The following NBPF9 variants were observed in gnomAD, a reference collection of about 807,000 sequenced individuals.
The protein encoded by NBPF9 is NBPF family member NBPF9.
A neutral mutation model predicts 97.8 loss-of-function variants in NBPF9; 91 were observed. That is an observed-to-expected ratio of 0.93 (90% confidence interval 0.79 to 1.11). The LOEUF is 1.11. NBPF9 is among the 50% of genes least tolerant of loss of function. The pLI is 0.00. For missense variants in NBPF9, 992 were observed against 939.5 expected, an observed-to-expected ratio of 1.06 and a Z score of -0.73; for synonymous variants, 334 against 359.5, an observed-to-expected ratio of 0.93 and a Z score of 0.80.
chr1:149,063,512 C>T lies in NBPF9; in HGVS notation c.2026+121G>A, dbSNP rs1406315244. On this transcript the variant is annotated intron_variant, in intron 20 of 29. Coordinates refer to ENST00000584027, the Ensembl canonical transcript of NBPF9. ...TAGAGTTTCATTCAACGTACATGTG[C>T]CTATAGGTCCTCCCTGTGGCAATGA... is the stretch of plus-strand genomic sequence containing the variant. 6 of 700,886 alleles carry T rather than the reference C, an allele frequency of 8.6e-6. 1 individual carries two copies. The highest frequency in any genetic ancestry group is 8.2e-5 in the Admixed American group (4 of 48,778). The allele number at this position is 700,886 out of a possible 1,614,324, so 43.4% of individuals were successfully genotyped here. A position where few individuals can be genotyped will look rare whatever the true frequency, so the allele number is the denominator to read the frequency against.
intron 17 of NBPF9, among the ~76,000 whole-genome samples, chr1:149,068,488 T>A (rs1220215572): frequency 6.7e-6 from 1 of 149,174 alleles, no homozygotes; most frequent in Non-Finnish European, 1.5e-5. Context: ...TAGTCTCTGA[T>A]AAAACAGACT....
At chr1:149,099,399 T>C (rs1429583089) in intron 3 of NBPF9, among the ~76,000 whole-genome samples, 8 of 151,912 alleles carry the variant, frequency 5.3e-5, no homozygotes, top group African/African-American at 1.7e-4. Flanking sequence ...ATTTGTTAGA[T>C]GGTGAAAACT....
chr1:149,065,241 A>T (rs1553651382), intron 18 of NBPF9: 1 of 702,726 alleles, frequency 1.4e-6, no homozygotes, highest in African/African-American at 1.7e-5. Context: ...TGTGCTACAT[A>T]GTTTGGTGTG....
intron 26 of NBPF9, among the ~76,000 whole-genome samples, 174 bp from the exon 27 acceptor site, chr1:149,058,389 T>C (rs1240677932): frequency 1.3e-5 from 1 of 78,096 alleles, no homozygotes; most frequent in Admixed American, 1.3e-4. Flanking sequence ...TTGGTTTGCA[T>C]CTCAGAACCA....
chr1:149,072,727 GC>G lies in NBPF9; in HGVS notation c.1296del (p.Lys432AsnfsTer157), dbSNP rs782026250. 6 of 1,611,582 alleles carry G rather than the reference GC, an allele frequency of 3.7e-6. No individual in the cohort carries two copies. The highest frequency in any genetic ancestry group is 5.1e-6 in the Non-Finnish European group (6 of 1,179,702). On this transcript the variant is annotated frameshift_variant, in exon 14 of 30. Transcript: ENST00000584027. LOFTEE classifies it high-confidence loss of function. ...CCTATGGCCACCTTACCTGGGCTGA[GC>G]TTTTGGACAAGGTGCTGTGCCAGTC...
In NBPF9 at chr1:149,063,496, A is replaced by C; in HGVS notation, c.2026+137T>G. On this transcript the variant is annotated intron_variant, in intron 20 of 29. Coordinates refer to ENST00000584027, the Ensembl canonical transcript of NBPF9. ...GGCTTCCAAGTGGAACTAGAGTTTC[A>C]TTCAACGTACATGTGCCTATAGGTC... 6.0e-6 allele frequency: 4 copies of C among 664,392 alleles called. No individual in the cohort carries two copies. In the South Asian group the frequency reaches 7.0e-5, roughly 12 times the overall value. 41.2% of individuals were successfully genotyped at this position (664,392 alleles called of 1,614,324 possible).
At chr1:149,082,933 C>T (rs1553657332) in intron 5 of NBPF9, among the ~76,000 whole-genome samples, 1 of 146,430 alleles carries the variant, frequency 6.8e-6, no homozygotes, top group African/African-American at 2.5e-5. Context: ...GCGCCCGCCA[C>T]CACGCCTGGC....
Position 149,079,220 on chromosome 1 carries a change from G to T in NBPF9, c.280C>A (p.Gln94Lys), listed in dbSNP as rs782760709. 6.1e-6 allele frequency: 5 copies of T among 815,638 alleles called. No individual in the cohort carries two copies. The African/African-American group carries it at 8.5e-5, about 14-fold the overall frequency. The allele number at this position is 815,638 out of a possible 1,614,324, so 50.5% of individuals were successfully genotyped here. Residue 94 changes from glutamine to lysine, a missense_variant and splice_region_variant, in exon 9 of 30, where the codon CAA becomes AAA. This residue lies in a region of NBPF9 where 109 missense variants were observed against 133.1 expected (regional missense o/e 0.82). Coordinates refer to ENST00000584027, the Ensembl canonical transcript of NBPF9. ...TGAGAGTGAACCAGGACTTTATATT[G>T]CCTAAGGTGAGACGGTAGAGAAAAT...
At chr1:149,076,662 C>T (rs1371355017) in intron 11 of NBPF9, among the ~76,000 whole-genome samples, 1 of 146,324 alleles carries the variant, frequency 6.8e-6, no homozygotes, top group Non-Finnish European at 1.5e-5. Flanking sequence ...ACCACCACGC[C>T]CAGCTATTTT....
intron 10 of NBPF9, 126 bp from the exon 11 acceptor site, chr1:149,077,545 C>T: frequency 4.8e-6 from 5 of 1,041,242 alleles, no homozygotes; most frequent in African/African-American, 1.5e-5. Context: ...ACGGAGGTTC[C>T]CTTAAAGAGG....
Position 149,075,808 on chromosome 1 carries a change from A to G in NBPF9, c.835T>C (p.Leu279=), listed in dbSNP as rs1553654173. 1.9e-6 allele frequency: 3 copies of G among 1,567,968 alleles called. No homozygotes were observed. The Admixed American group carries it at 5.0e-5, about 26-fold the overall frequency. The stretch of plus-strand genomic sequence containing the variant: ...TTCATCTCTGCCTTCTCGCTGGACA[A>G]AGGGCCGGCTGATACCACCATGCTG... The change falls in exon 12 of 30, where the codon TTG becomes CTG. Residue 279 remains leucine, a synonymous_variant. Coordinates refer to ENST00000584027, the Ensembl canonical transcript of NBPF9.
At chr1:149,101,060 G>A (rs2082114071) in intron 3 of NBPF9, among the ~76,000 whole-genome samples, 1 of 151,466 alleles carries the variant, frequency 6.6e-6, no homozygotes, top group South Asian at 2.1e-4. Flanking sequence ...TAACCATAAA[G>A]GAAAAGATTG....
At chr1:149,080,102 A>G (rs1318140413) in exon 8 of NBPF9, 77,347 of 1,406,356 alleles carry the variant, frequency 0.055, 751 homozygotes, top group Non-Finnish European at 0.065. Flanking sequence ...TCCTCCTTGA[A>G]CTGTCGCTCA....
At chr1:149,093,993 G>A (rs2081581978) in intron 4 of NBPF9, among the ~76,000 whole-genome samples, 1 of 145,514 alleles carries the variant, frequency 6.9e-6, no homozygotes, top group African/African-American at 2.5e-5. Flanking sequence ...ACATTAGCCA[G>A]GTGCGGTGGC....
intron 2 of NBPF9, among the ~76,000 whole-genome samples, chr1:149,101,893 G>A (rs1390297938): frequency 6.9e-6 from 1 of 143,942 alleles, no homozygotes; most frequent in Non-Finnish European, 1.5e-5. Flanking sequence ...GATCTGTGGT[G>A]GTTCACTTGG....
chr1:149,075,787 T>A (rs781972868), exon 12 of NBPF9: 3 of 1,586,540 alleles, frequency 1.9e-6, no homozygotes, highest in South Asian at 1.1e-5. Context: ...AGAATGTTCA[T>A]CTCTGCCTTC....
chr1:149,064,736 C>T (rs587650369), intron 18 of NBPF9: 2 of 618,648 alleles, frequency 3.2e-6, no homozygotes, highest in East Asian at 2.8e-5. Flanking sequence ...GGTTTATGTA[C>T]ACAAATGCGC....
chr1:149,062,177 C>G (rs782810431), exon 22 of NBPF9: 22 of 913,488 alleles, frequency 2.4e-5, no homozygotes, highest in East Asian at 1.7e-4. Flanking sequence ...TCAGGCAGTT[C>G]AAGATAACCT....
At position 149,061,328 on chromosome 1, in the gene NBPF9, T is replaced by G. The variant is rs2078583069; in HGVS notation, c.2303+4A>C. On this transcript the variant is annotated splice_donor_region_variant and intron_variant, in intron 23 of 29. Coordinates refer to ENST00000584027, the Ensembl canonical transcript of NBPF9. ...GAAGTAGCTGTTCACAATTGCTCAG[T>G]TACCTGGGGCATGGTGGGCCTTGGT... 2 of 412,314 alleles carry G rather than the reference T, an allele frequency of 4.9e-6. No individual in the cohort carries two copies. The highest frequency in any genetic ancestry group is 7.4e-5 in the Admixed American group (2 of 26,872). The allele number at this position is 412,314 out of a possible 1,614,324, so 25.5% of individuals were successfully genotyped here. A position where few individuals can be genotyped will look rare whatever the true frequency, so the allele number is the denominator to read the frequency against.
Sources: allele counts gnomAD v4.1 joint callset (sites outside exome capture counted in the v4.1 genomes callset), GRCh38; gene constraint gnomAD v4.1.1; regional missense constraint gnomAD v4.1.1; transcripts MANE v1.5; gene names NCBI Gene and HGNC (gene_info 2026-07-23, HGNC 2026-07-21).